Variants in REV3L observed in about 807,000 individuals in gnomAD.
The protein encoded by REV3L is REV3 like, DNA directed polymerase zeta catalytic subunit.
A neutral mutation model predicts 299.4 loss-of-function variants in REV3L; 69 were observed. That is an observed-to-expected ratio of 0.23 (90% confidence interval 0.19 to 0.28). The LOEUF (loss-of-function observed/expected upper bound fraction) is 0.28. Ranked by LOEUF, REV3L falls within the 10% of genes least tolerant of loss-of-function variation. The pLI is 1.00. For synonymous variants in REV3L, 1,238 were observed against 1,271.4 expected (o/e 0.97, Z 0.56); for missense variants, 3,128 against 3,693.8 (o/e 0.85, Z 3.97).
At chr6:111,333,501 T>C in intron 22 of REV3L, 134 bp from the exon 23 acceptor site, 1 of 1,159,094 alleles carries the variant, frequency 8.6e-7, no homozygotes, top group South Asian at 1.6e-5. Context: ...TGAGACAGTG[T>C]TTCGCTCTTG....
chr6:111,439,386 G>A (rs993888710), intron 1 of REV3L, among the ~76,000 whole-genome samples: 2 of 152,212 alleles, frequency 1.3e-5, no homozygotes, highest in East Asian at 3.9e-4. Context: ...CAAGAGGCTT[G>A]AAGATAAGGA....
chr6:111,399,224 T>C lies in REV3L; in HGVS notation c.565+6246A>G, dbSNP rs184067545. Among the ~76,000 whole-genome samples the C allele has an allele frequency of 3.9e-5, 6 of 152,336 alleles. 1 individual carries two copies. Among genetic ancestry groups the C allele is most frequent in the South Asian group, 4.1e-4 (2 of 4,822 alleles). The stretch of plus-strand genomic sequence containing the variant: ...CTTCCATTCCTCAATCTGTCTTAAA[T>C]TCTTGGTTATACTTGACAATGATAA... On this transcript the variant is annotated intron_variant, in intron 4 of 31. Coordinates refer to ENST00000368802, the MANE Select transcript of REV3L (RefSeq NM_001372078.1).
intron 21 of REV3L, among the ~76,000 whole-genome samples, chr6:111,341,970 G>A (rs1186542576): frequency 1.0e-5 from 1 of 100,444 alleles, no homozygotes; most frequent in Non-Finnish European, 2.6e-5. Flanking sequence ...TTGGCATTCA[G>A]TTGTGAGCCC....
In REV3L at chr6:111,373,998, G is replaced by C. The variant is rs1284875234; in HGVS notation, c.4357C>G (p.Gln1453Glu). ...GTTACAAAGCAATTATTAGGCATTT[G>C]GCTTTCCTCTGAAGCTGTATTTCCC... Reference protein sequence around the residue: ...SPGNTASEESQMPNNCFVTSL... With the variant: ...SPGNTASEESEMPNNCFVTSL... Residue 1453 changes from glutamine to glutamate, a missense_variant, in exon 13 of 32, where the codon CAA becomes GAA. Physicochemically the swap from Gln to Glu is conservative, Grantham distance 29 (BLOSUM62 2). Around this residue, in one of 9 missense-constraint regions of REV3L, gnomAD observed 2,409 missense variants for 2,611.8 expected, o/e 0.92. Transcript: ENST00000368802. The C allele has an allele frequency of 6.2e-7, 1 of 1,614,076 alleles. No individual in the cohort carries two copies. Among genetic ancestry groups the C allele is most frequent in the Non-Finnish European group, 8.5e-7 (1 of 1,179,986 alleles).
At chr6:111,413,322 GATGTTTTCATGTTTA>G (rs1784437427) in intron 2 of REV3L, among the ~76,000 whole-genome samples, 1 of 152,094 alleles carries the variant, frequency 6.6e-6, no homozygotes, top group Admixed American at 6.6e-5. Context: ...TATGAAAGCA[GATGTTTTCATGTTTA>G]AAAAATTATA....
At chr6:111,325,155 C>G (rs1774641787) in intron 25 of REV3L, among the ~76,000 whole-genome samples, 1 of 152,194 alleles carries the variant, frequency 6.6e-6, no homozygotes, top group Admixed American at 6.5e-5. Context: ...GCCACTGCAC[C>G]TGGCCTCAAA....
Position 111,367,565 on chromosome 6 carries a change from T to C in REV3L, c.6223A>G (p.Ile2075Val). The C allele has an allele frequency of 6.2e-7, 1 of 1,613,956 alleles. No homozygotes were observed. The highest frequency in any genetic ancestry group is 8.5e-7 in the Non-Finnish European group (1 of 1,179,820). The change falls in exon 14 of 32, where the codon ATT becomes GTT. Residue 2075 changes from isoleucine (I) to valine (V), a missense_variant. Transcript: ENST00000368802. ...CCCGTGGTTGGTGCTTGTAAAGCAA[T>C]CTGAGAATTATCAACATCCTCCTTG... Reference protein sequence around the residue: ...HTKEDVDNSQIALQAPTTGCS... With the variant: ...HTKEDVDNSQVALQAPTTGCS...
chr6:111,412,331 A>G lies in REV3L; in HGVS notation c.330-777T>C. On this transcript the variant is annotated intron_variant, in intron 2 of 31. Transcript: ENST00000368802. ...GAAAGGGGGAAGCAAAAGGCTATAT[A>G]ACAGGAAGAGAAATCCTCGGTGCAA... is the stretch of plus-strand genomic sequence containing the variant. The G allele has an allele frequency of 6.7e-6, 6 of 895,190 alleles. No individual in the cohort carries two copies. The South Asian group carries it at 3.1e-4, about 46-fold the overall frequency. The allele number at this position is 895,190 out of a possible 1,614,324, so 55.5% of individuals were successfully genotyped here. A position where few individuals can be genotyped will look rare whatever the true frequency, so the allele number is the denominator to read the frequency against.
intron 1 of REV3L, among the ~76,000 whole-genome samples, chr6:111,476,703 C>T (rs946539558): frequency 1.3e-5 from 2 of 152,190 alleles, no homozygotes; most frequent in East Asian, 3.8e-4. Context: ...ATTAAAACCA[C>T]TTTACATACA....
At chr6:111,335,971 ATTAT>A (rs1368654353) in intron 21 of REV3L, among the ~76,000 whole-genome samples, 2 of 151,902 alleles carry the variant, frequency 1.3e-5, no homozygotes, top group East Asian at 3.9e-4. Context: ...TTATGCAATA[ATTAT>A]TTATCATATC....
At chr6:111,418,863 G>GT (rs1785030558) in intron 1 of REV3L, among the ~76,000 whole-genome samples, 1 of 152,172 alleles carries the variant, frequency 6.6e-6, no homozygotes, top group Non-Finnish European at 1.5e-5. Context: ...AAAACACATG[G>GT]TATGTGCTTA....
intron 1 of REV3L, among the ~76,000 whole-genome samples, chr6:111,459,524 C>G (rs1253950835): frequency 6.6e-6 from 1 of 152,046 alleles, no homozygotes; most frequent in Non-Finnish European, 1.5e-5. Context: ...AACTATGTAT[C>G]TGACAAAGGC....
intron 31 of REV3L, among the ~76,000 whole-genome samples, chr6:111,301,214 T>G (rs1404500570): frequency 1.3e-5 from 2 of 152,186 alleles, no homozygotes; most frequent in Non-Finnish European, 2.9e-5. Flanking sequence ...TCAGACTGGT[T>G]GTCTGATCAC....
intron 2 of REV3L, among the ~76,000 whole-genome samples, chr6:111,413,844 C>A (rs529431308): frequency 1.3e-5 from 2 of 152,146 alleles, no homozygotes; most frequent in African/African-American, 4.8e-5. Flanking sequence ...AGATAAGTGA[C>A]TATGTATTTC....
chr6:111,392,761 AGATTAAAAAGATC>A, intron 5 of REV3L, 102 bp downstream of exon 5: 1 of 633,182 alleles, frequency 1.6e-6, no homozygotes, highest in South Asian at 2.2e-5. Context: ...TTAAGTGTAT[AGATTAAAAAGATC>A]CAATACAATA....
rs750181743 is a variant in REV3L at position 111,376,384 on chromosome 6, A to G, written c.1971T>C (p.Ser657=). The G allele has an allele frequency of 2.0e-5, 33 of 1,612,888 alleles. No individual in the cohort carries two copies. In the South Asian group the frequency reaches 3.1e-4, roughly 15 times the overall value. The part of the protein sequence containing the change: ...KEILPVSSCE[S]SIFDYEEDIP... ...TATCTTCTTCATAATCAAAAATACT[A>G]CTTTCACAGGAAGATACTGGGAGGA... Residue 657 remains serine, a synonymous_variant, in exon 13 of 32, where the codon AGT becomes AGC. Coordinates refer to ENST00000368802, the MANE Select transcript of REV3L (RefSeq NM_001372078.1).
intron 17 of REV3L, among the ~76,000 whole-genome samples, chr6:111,358,003 C>T (rs926361906): frequency 1.3e-5 from 2 of 151,840 alleles, no homozygotes; most frequent in African/African-American, 4.8e-5. Context: ...TCAGCTCAAG[C>T]ACATCACTGA....
chr6:111,380,120 G>A lies in REV3L; in HGVS notation c.1316C>T (p.Ser439Phe), dbSNP rs1780676262. The change falls in exon 11 of 32, where the codon TCC (serine) becomes TTC (phenylalanine). Residue 439 changes from serine to phenylalanine, a missense_variant. Around this residue, in one of 9 missense-constraint regions of REV3L, gnomAD observed 2,409 missense variants for 2,611.8 expected, o/e 0.92. Transcript: ENST00000368802. ...TTGTGGATATTTATTATTTCCAAAG[G>A]AGCGACATGGTGATGGCATCCTATT... The part of the protein sequence containing the change: ...ERNRMPSPCR[S>F]FGNNKYPQNS... 3 of 1,613,608 alleles carry A rather than the reference G, an allele frequency of 1.9e-6. No individual in the cohort carries two copies. Among genetic ancestry groups the A allele is most frequent in the African/African-American group, 2.7e-5 (2 of 74,830 alleles).
intron 1 of REV3L, among the ~76,000 whole-genome samples, chr6:111,465,824 T>G (rs9387012): frequency 1.4e-5 from 2 of 141,432 alleles, no homozygotes; most frequent in Admixed American, 1.4e-4. Context: ...AGATTAAAAA[T>G]AGTGATGAAA....
Sources: gnomAD v4.1 joint callset for allele counts (sites outside exome capture counted in the v4.1 genomes callset) on GRCh38, gnomAD v4.1.1 for gene constraint, gnomAD v4.1.1 regional missense constraint, MANE v1.5 for transcripts, NCBI Gene and HGNC (gene_info 2026-07-23, HGNC 2026-07-21) for gene names.